The following TPRG1 variants were observed in gnomAD, a reference collection of about 807,000 sequenced individuals.
The protein encoded by TPRG1 is tumor protein p63 regulated 1.
Under a neutral mutation model 29.3 loss-of-function variants are expected in TPRG1, and 29 were observed. The ratio of observed to expected loss-of-function variants is 0.99; its 90% CI spans 0.74 to 1.35. The LOEUF (loss-of-function observed/expected upper bound fraction) is 1.35. Ranked by LOEUF, TPRG1 falls within the 40% of genes most tolerant of loss-of-function variation. The probability of loss-of-function intolerance (pLI) is 0.00; values close to 1 mark genes in which losing one functional copy is unlikely to be tolerated. For missense variants in TPRG1, 327 were observed against 335.0 expected (o/e 0.98, Z 0.19); for synonymous variants, 130 against 116.8 (o/e 1.11, Z -0.73).
At chr3:189,220,625 C>A (rs112968740) in intron 3 of TPRG1, among the ~76,000 whole-genome samples, 1 of 152,048 alleles carries the variant, frequency 6.6e-6, no homozygotes, top group African/African-American at 2.4e-5. Flanking sequence ...GTGTGTTGTT[C>A]CCCTCTATGT....
chr3:189,144,911 G>A (rs1474940839), intron 3 of TPRG1, among the ~76,000 whole-genome samples: 1 of 152,222 alleles, frequency 6.6e-6, no homozygotes, highest in Non-Finnish European at 1.5e-5. Context: ...TTACACACTG[G>A]TTTCACGGGC....
intron 1 of TPRG1, among the ~76,000 whole-genome samples, chr3:189,192,689 G>T (rs901293918): frequency 6.6e-6 from 1 of 152,026 alleles, no homozygotes; most frequent in Non-Finnish European, 1.5e-5. Context: ...TTCTTTTATT[G>T]TCTATCATTG....
At chr3:189,129,096 A>T (rs562613390) in intron 2 of TPRG1, among the ~76,000 whole-genome samples, 1 of 152,226 alleles carries the variant, frequency 6.6e-6, no homozygotes, top group African/African-American at 2.4e-5. Context: ...ACTATTCACT[A>T]AAGTATGGAC....
At chr3:189,137,443 G>T (rs1375079366) in intron 3 of TPRG1, among the ~76,000 whole-genome samples, 6 of 151,534 alleles carry the variant, frequency 4.0e-5, no homozygotes, top group African/African-American at 9.7e-5. Flanking sequence ...AACAAAAAAA[G>T]AATTTTTCCC....
At chr3:189,175,223 A>C (rs1162549496) in intron 1 of TPRG1, among the ~76,000 whole-genome samples, 1 of 152,234 alleles carries the variant, frequency 6.6e-6, no homozygotes, top group African/African-American at 2.4e-5. Context: ...GCAACTAGGT[A>C]GGTTGCCATC....
intron 4 of TPRG1, among the ~76,000 whole-genome samples, chr3:189,296,497 T>G (rs1719941061): frequency 6.6e-6 from 1 of 152,186 alleles, no homozygotes; most frequent in South Asian, 2.1e-4. Flanking sequence ...TATGTGTAGA[T>G]CTGTATATCT....
intron 4 of TPRG1, among the ~76,000 whole-genome samples, chr3:189,057,140 T>C (rs752000208): frequency 3.3e-5 from 5 of 152,228 alleles, no homozygotes; most frequent in African/African-American, 4.8e-5. Context: ...CAGCACAGGC[T>C]GAGTGAGAAA....
chr3:189,018,299 C>G (rs1162584169), intron 3 of TPRG1, among the ~76,000 whole-genome samples: 1 of 149,050 alleles, frequency 6.7e-6, no homozygotes, highest in Non-Finnish European at 1.5e-5. Context: ...ACATGAAGTC[C>G]TTGCCCATGC....
At chr3:189,176,030 G>C (rs548435645) in intron 1 of TPRG1, among the ~76,000 whole-genome samples, 3 of 152,268 alleles carry the variant, frequency 2.0e-5, no homozygotes, top group Admixed American at 1.3e-4. Context: ...GTAAATATAT[G>C]CATGCTCCAC....
chr3:189,180,519 A>G (rs1205740384), intron 1 of TPRG1, among the ~76,000 whole-genome samples: 4 of 152,126 alleles, frequency 2.6e-5, no homozygotes, highest in Admixed American at 2.0e-4. Context: ...GGCCCCATCC[A>G]TGTCCAAAAT....
intron 4 of TPRG1, among the ~76,000 whole-genome samples, chr3:189,024,663 C>A (rs1213751010): frequency 6.6e-6 from 1 of 152,160 alleles, no homozygotes; most frequent in African/African-American, 2.4e-5. Context: ...GGTGGCCTAC[C>A]CCTCCCTCCT....
chr3:189,063,042 G>T (rs538430210), intron 4 of TPRG1, among the ~76,000 whole-genome samples: 45 of 152,006 alleles, frequency 3.0e-4, no homozygotes, highest in Non-Finnish European at 5.3e-4. Context: ...CAATGATATG[G>T]GTGGATTGAA....
chr3:189,031,201 G>A (rs1011554099), intron 4 of TPRG1, among the ~76,000 whole-genome samples: 2 of 152,010 alleles, frequency 1.3e-5, no homozygotes, highest in Non-Finnish European at 2.9e-5. Flanking sequence ...TGAGGCAGGA[G>A]AATCACTTGA....
intron 4 of TPRG1, among the ~76,000 whole-genome samples, chr3:189,068,600 C>A (rs1257767875): frequency 6.6e-6 from 1 of 152,104 alleles, no homozygotes; most frequent in Non-Finnish European, 1.5e-5. Context: ...CATAGTGAAA[C>A]CCCGTCTCTA....
intron 4 of TPRG1, among the ~76,000 whole-genome samples, chr3:189,044,176 T>C (rs1212081021): frequency 1.3e-5 from 2 of 151,842 alleles, no homozygotes; most frequent in East Asian, 3.9e-4. Flanking sequence ...AATAAATAAA[T>C]ACAAGGCAAA....
chr3:189,110,564 A>T (rs1720388839), intron 1 of TPRG1, among the ~76,000 whole-genome samples: 1 of 152,064 alleles, frequency 6.6e-6, no homozygotes, highest in Admixed American at 6.6e-5. Flanking sequence ...TATGTAAAAA[A>T]AAATTTGGCT....
At chr3:189,096,778 A>G (rs983611112), upstream of TPRG1, among the ~76,000 whole-genome samples, 7 of 152,326 alleles carry the variant, frequency 4.6e-5, no homozygotes, top group East Asian at 1.9e-4. Flanking sequence ...AGTATATTCA[A>G]TCTGTAATAA....
chr3:189,015,690 T>C (rs1486469525), intron 3 of TPRG1, among the ~76,000 whole-genome samples: 2 of 152,170 alleles, frequency 1.3e-5, no homozygotes, highest in Non-Finnish European at 2.9e-5. Context: ...GCTTAAGCTG[T>C]GGCTAAAAGG....
At chr3:189,149,247 C>G (rs1488150268) in intron 4 of TPRG1, among the ~76,000 whole-genome samples, 4 of 152,042 alleles carry the variant, frequency 2.6e-5, no homozygotes, top group African/African-American at 9.7e-5. Context: ...TCTGCAGTGT[C>G]TGTTAAGCAT....
Sources: allele counts gnomAD v4.1 joint callset (sites outside exome capture counted in the v4.1 genomes callset), GRCh38; gene constraint gnomAD v4.1.1; transcripts MANE v1.5; gene names NCBI Gene and HGNC (gene_info 2026-07-23, HGNC 2026-07-21).